The following CCNJL variants were observed in gnomAD, a reference collection of about 807,000 sequenced individuals.
CCNJL encodes the protein cyclin J like.
In CCNJL, 33 loss-of-function variants were observed where a neutral mutation model predicts 33.4. That is an observed-to-expected ratio of 0.99 (90% confidence interval 0.75 to 1.32). CCNJL has a LOEUF of 1.32. Ranked by LOEUF, CCNJL falls within the 40% of genes most tolerant of loss-of-function variation. CCNJL has a pLI of 0.00. For synonymous variants in CCNJL, 227 were observed against 220.9 expected (o/e 1.03, Z -0.24); for missense variants, 512 against 499.7 (o/e 1.02, Z -0.23).
chr5:160,266,722 C>T (rs143122957), intron 3 of CCNJL, among the ~76,000 whole-genome samples: 79 of 152,264 alleles, frequency 5.2e-4, no homozygotes, highest in African/African-American at 1.8e-3. Flanking sequence ...ACTCCAGACC[C>T]GGGATCTTCT....
rs199879462 is a variant in CCNJL, at chr5:160,253,509, C to T, written c.1033G>A (p.Val345Met). Residue 345 changes from valine to methionine, a missense_variant, in exon 6 of 6, where the codon GTG (valine) becomes ATG (methionine). Transcript: ENST00000257536. Reference protein sequence around the residue: ...QPLQPLDMCPVPVPASLSMHM... With the variant: ...QPLQPLDMCPMPVPASLSMHM... ...ATGCTAAGGGATGCAGGGACGGGCA[C>T]GGGACACATATCCAAGGGCTGCAGC... The T allele has an allele frequency of 4.4e-5, 71 of 1,614,026 alleles. No individual in the cohort carries two copies. Among genetic ancestry groups the T allele is most frequent in the African/African-American group, 3.9e-4 (29 of 74,924 alleles).
intron 3 of CCNJL, among the ~76,000 whole-genome samples, chr5:160,270,912 T>C (rs1761811269): frequency 6.6e-6 from 1 of 152,160 alleles, no homozygotes; most frequent in Non-Finnish European, 1.5e-5. Flanking sequence ...GGCATGAACC[T>C]GTTTTACAAG....
chr5:160,329,078 G>A (rs969180051), intron 1 of CCNJL, among the ~76,000 whole-genome samples: 1 of 152,076 alleles, frequency 6.6e-6, no homozygotes, highest in Non-Finnish European at 1.5e-5. Context: ...AATCCGACAT[G>A]GAGGTAAAGG....
Position 160,267,345 on chromosome 5 carries a change from TGA to T in CCNJL, c.281-7576_281-7575del, listed in dbSNP as rs989241457. Among the ~76,000 whole-genome samples, 80 of 152,178 alleles carry T rather than the reference TGA, an allele frequency of 5.3e-4. 3 individuals carry two copies. The highest frequency in any genetic ancestry group is 5.2e-3 in the Admixed American group (79 of 15,290). ...CATGGAAACAGAAGCTCAGAAAGGT[TGA>T]GTTACCCCGATCTCCCAGCTGATAA... On this transcript the variant is annotated intron_variant, in intron 3 of 5. Coordinates refer to ENST00000257536, the MANE Select transcript of CCNJL (RefSeq NM_001308173.3).
At chr5:160,264,240 A>G (rs552501149) in intron 3 of CCNJL, among the ~76,000 whole-genome samples, 10 of 152,200 alleles carry the variant, frequency 6.6e-5, no homozygotes, top group African/African-American at 1.9e-4. Flanking sequence ...CAACATACTT[A>G]TAAGATTAAA....
At chr5:160,334,629 G>T (rs1025897647) in intron 1 of CCNJL, among the ~76,000 whole-genome samples, 8 of 152,202 alleles carry the variant, frequency 5.3e-5, no homozygotes, top group African/African-American at 1.4e-4. Context: ...AATTAGAACA[G>T]AACCGGCAAT....
In CCNJL at chr5:160,311,859, T is replaced by C. The variant is rs1374853077; in HGVS notation, c.65A>G (p.Lys22Arg). The C allele has an allele frequency of 3.1e-6, 5 of 1,613,834 alleles. No homozygotes were observed. Among genetic ancestry groups the C allele is most frequent in the Non-Finnish European group, 3.4e-6 (4 of 1,179,822 alleles). Residue 22 changes from lysine (K) to arginine (R), a missense_variant and splice_region_variant, in exon 2 of 6, where the codon AAG becomes AGG. Coordinates refer to ENST00000257536, the MANE Select transcript of CCNJL (RefSeq NM_001308173.3). Reference protein sequence around the residue: ...ASDVHCTLREKELKLPTFRAH... With the variant: ...ASDVHCTLRERELKLPTFRAH... ...TGACAAGGGCAGGGAGGGACTGACC[T>C]TCTCGCGCAGGGTGCAGTGGACGTC...
At chr5:160,314,855 T>C (rs1250404937), upstream of CCNJL, among the ~76,000 whole-genome samples, 1 of 152,168 alleles carries the variant, frequency 6.6e-6, no homozygotes, top group Non-Finnish European at 1.5e-5. Flanking sequence ...TAAAAGCTTT[T>C]TTTAAAAAAA....
rs144339964 is a variant in CCNJL, at chr5:160,335,307, A to G, written n.206+4138T>C. Among the ~76,000 whole-genome samples the G allele has an allele frequency of 1.1e-4, 16 of 152,272 alleles. No homozygotes were observed. The East Asian group carries it at 2.7e-3, about 26-fold the overall frequency. On this transcript the variant is annotated intron_variant and non_coding_transcript_variant, in intron 1 of 7. Transcript: ENST00000377503. ...ATATATCTGTTTATATATAATGTAG[A>G]CTATATAGTTTATGATCTATTTATA...
chr5:160,284,512 C>A (rs1300281473), intron 2 of CCNJL, among the ~76,000 whole-genome samples: 1 of 152,214 alleles, frequency 6.6e-6, no homozygotes, highest in Non-Finnish European at 1.5e-5. Flanking sequence ...AAGACAGTTG[C>A]AGAATTCCAA....
intron 1 of CCNJL, among the ~76,000 whole-genome samples, chr5:160,334,857 A>G (rs1763663508): frequency 1.3e-5 from 2 of 152,252 alleles, no homozygotes; most frequent in Non-Finnish European, 2.9e-5. Context: ...TGGGCTGATG[A>G]TGAGCCTTTC....
At chr5:160,317,714 A>T (rs758822795), upstream of CCNJL, among the ~76,000 whole-genome samples, 1 of 152,196 alleles carries the variant, frequency 6.6e-6, no homozygotes, top group Non-Finnish European at 1.5e-5. Flanking sequence ...AGAAGGTGTT[A>T]TCAGTTTCTG....
chr5:160,330,971 T>C (rs1763600146), intron 1 of CCNJL, among the ~76,000 whole-genome samples: 1 of 151,790 alleles, frequency 6.6e-6, no homozygotes, highest in African/African-American at 2.4e-5. Flanking sequence ...CTGTCTTAAT[T>C]CTCAGTGTTT....
chr5:160,297,279 A>T (rs1762774365), intron 2 of CCNJL, among the ~76,000 whole-genome samples: 1 of 152,188 alleles, frequency 6.6e-6, no homozygotes, highest in Admixed American at 6.5e-5. Flanking sequence ...CTGGATAAAG[A>T]GGCTGCTTTC....
chr5:160,332,168 G>C (rs1763615282), intron 1 of CCNJL, among the ~76,000 whole-genome samples: 1 of 152,076 alleles, frequency 6.6e-6, no homozygotes, highest in Admixed American at 6.6e-5. Flanking sequence ...AAAAATCAGA[G>C]GAACTTCCAC....
intron 2 of CCNJL, among the ~76,000 whole-genome samples, chr5:160,284,406 C>T (rs1010902574): frequency 7.9e-5 from 12 of 151,476 alleles, no homozygotes; most frequent in African/African-American, 2.4e-4. Flanking sequence ...ATTGTTATAT[C>T]TCAATAAAGC....
At position 160,288,608 on chromosome 5, in the gene CCNJL, C is replaced by T. The variant is rs554333763; in HGVS notation, c.67-7870G>A. 1.8e-3 allele frequency among the ~76,000 whole-genome samples: 278 copies of T among 152,088 alleles called. 1 individual carries two copies. The highest frequency in any genetic ancestry group is 6.3e-3 in the African/African-American group (263 of 41,486). ...ATAACCAGCCAGGTGTGGTGGCTCA[C>T]GCCTGTAATCCCAGCACTTTGGGAG... On this transcript the variant is annotated intron_variant, in intron 2 of 5. Transcript: ENST00000257536.
chr5:160,326,600 T>C, intron 1 of CCNJL: 1 of 526,144 alleles, frequency 1.9e-6, no homozygotes, highest in Non-Finnish European at 3.7e-6. Context: ...ACTCTAATCA[T>C]AGTCCTCAGT....
chr5:160,318,509 T>C (rs1763403981), intron 1 of CCNJL, among the ~76,000 whole-genome samples: 1 of 152,258 alleles, frequency 6.6e-6, no homozygotes, highest in Admixed American at 6.5e-5. Context: ...GGCAATAGTA[T>C]TCTAGGAAAG....
Sources: gnomAD v4.1 joint callset for allele counts (sites outside exome capture counted in the v4.1 genomes callset) on GRCh38, gnomAD v4.1.1 for gene constraint, MANE v1.5 for transcripts, NCBI Gene and HGNC (gene_info 2026-07-23, HGNC 2026-07-21) for gene names.